The following MEIKIN variants were observed in gnomAD, a reference collection of about 807,000 sequenced individuals.
MEIKIN encodes the protein meiotic kinetochore factor.
chr5:131,906,704 T>C (rs538012432), intron 8 of MEIKIN, among the ~76,000 whole-genome samples: 2 of 152,178 alleles, frequency 1.3e-5, no homozygotes, highest in Admixed American at 1.3e-4. Flanking sequence ...AATAAGAATA[T>C]GTCCTCAGCA....
chr5:131,852,881 A>G (rs1561733081), intron 10 of MEIKIN, among the ~76,000 whole-genome samples: 1 of 148,846 alleles, frequency 6.7e-6, no homozygotes, highest in Non-Finnish European at 1.5e-5. Flanking sequence ...CACGAAAAAA[A>G]TCATTTTGGT....
chr5:131,862,997 C>A (rs1282757588), intron 9 of MEIKIN, among the ~76,000 whole-genome samples: 1 of 152,170 alleles, frequency 6.6e-6, no homozygotes, highest in African/African-American at 2.4e-5. Flanking sequence ...CTGTTCCTGT[C>A]CTTATTTCAA....
chr5:131,914,330 G>C (rs1302476397), intron 7 of MEIKIN, among the ~76,000 whole-genome samples: 1 of 149,358 alleles, frequency 6.7e-6, no homozygotes, highest in Non-Finnish European at 1.5e-5. Context: ...GTTACAGTGA[G>C]CTATGATGGT....
intron 9 of MEIKIN, among the ~76,000 whole-genome samples, chr5:131,857,608 T>G (rs1206883934): frequency 3.3e-5 from 5 of 152,136 alleles, no homozygotes; most frequent in Admixed American, 3.3e-4. Flanking sequence ...TCATAGCTCC[T>G]TCACTAGCAG....
At chr5:131,828,366 T>G (rs1166303756) in intron 11 of MEIKIN, among the ~76,000 whole-genome samples, 1 of 152,116 alleles carries the variant, frequency 6.6e-6, no homozygotes, top group Non-Finnish European at 1.5e-5. Flanking sequence ...TTTCACCATG[T>G]TGCCCAGGCT....
At chr5:131,934,136 T>A (rs564877291) in intron 4 of MEIKIN, among the ~76,000 whole-genome samples, 8 of 151,984 alleles carry the variant, frequency 5.3e-5, no homozygotes, top group African/African-American at 1.9e-4. Context: ...TTTTTATTTT[T>A]TTTTTTAGTA....
At chr5:131,897,496 C>A (rs1751073196) in intron 8 of MEIKIN, among the ~76,000 whole-genome samples, 1 of 152,170 alleles carries the variant, frequency 6.6e-6, no homozygotes, top group Non-Finnish European at 1.5e-5. Flanking sequence ...CACTTGGTTC[C>A]ATTCTCCCCA....
intron 3 of MEIKIN, 22 bp from the exon 4 acceptor site, chr5:131,942,717 G>C: frequency 2.5e-6 from 1 of 397,970 alleles, no homozygotes; most frequent in Non-Finnish European, 4.4e-6. Flanking sequence ...AAGAATTAAA[G>C]CTATAGCAAA....
chr5:131,807,101 TAGAG>T lies in MEIKIN; in HGVS notation c.*131_*134del. 1 of 394,754 alleles carries T rather than the reference TAGAG, an allele frequency of 2.5e-6. No individual in the cohort carries two copies. Among genetic ancestry groups the T allele is most frequent in the Non-Finnish European group, 4.5e-6 (1 of 224,070 alleles). 24.5% of individuals were successfully genotyped at this position (394,754 alleles called of 1,614,324 possible). On this transcript the variant is annotated 3_prime_UTR_variant, in exon 13 of 13. Transcript: ENST00000442687. ...CAAGAACCTCAGTAGAATTTCAACA[TAGAG>T]ATATATCACAAATAACTGGAGAATT...
intron 7 of MEIKIN, among the ~76,000 whole-genome samples, 190 bp downstream of exon 7, chr5:131,916,696 G>A (rs1751419859): frequency 6.6e-6 from 1 of 152,196 alleles, no homozygotes; most frequent in Admixed American, 6.5e-5. Flanking sequence ...GCTGAGGGCA[G>A]AGATTTCGTT....
intron 8 of MEIKIN, among the ~76,000 whole-genome samples, chr5:131,892,487 G>A (rs777762638): frequency 5.9e-5 from 9 of 151,850 alleles, no homozygotes; most frequent in African/African-American, 1.5e-4. Flanking sequence ...ACTGATACCC[G>A]TTCTTCCAGT....
chr5:131,877,900 G>C (rs949170245), intron 9 of MEIKIN, among the ~76,000 whole-genome samples: 1 of 152,206 alleles, frequency 6.6e-6, no homozygotes. Context: ...ACACCATTCT[G>C]AGTAGCATGA....
chr5:131,851,893 T>C (rs1750120875), intron 10 of MEIKIN, among the ~76,000 whole-genome samples: 1 of 152,206 alleles, frequency 6.6e-6, no homozygotes, highest in East Asian at 1.9e-4. Flanking sequence ...CATCCACATA[T>C]TTTGGTATCT....
intron 8 of MEIKIN, among the ~76,000 whole-genome samples, chr5:131,882,424 T>C (rs77125330): frequency 1.3e-5 from 2 of 152,154 alleles, no homozygotes; most frequent in African/African-American, 4.8e-5. Flanking sequence ...TCTGGAGTGA[T>C]GGACAAAGCA....
intron 8 of MEIKIN, among the ~76,000 whole-genome samples, chr5:131,898,373 C>CG (rs1751090913): frequency 1.3e-5 from 2 of 152,226 alleles, no homozygotes; most frequent in African/African-American, 4.8e-5. Flanking sequence ...TTAGGCTACA[C>CG]GGGGGTCAGG....
intron 9 of MEIKIN, among the ~76,000 whole-genome samples, chr5:131,875,727 C>T (rs1750600319): frequency 6.6e-6 from 1 of 152,176 alleles, no homozygotes; most frequent in South Asian, 2.1e-4. Flanking sequence ...AGGGATCATG[C>T]TACCTGATTT....
chr5:131,873,018 C>A (rs4705904), intron 9 of MEIKIN, among the ~76,000 whole-genome samples: 88,951 of 146,448 alleles, frequency 0.61, 27,449 homozygotes, highest in Non-Finnish European at 0.74. Flanking sequence ...TGGAAAGGAA[C>A]AACTGGTACC....
At chr5:131,840,602 T>C (rs1749888348) in intron 11 of MEIKIN, among the ~76,000 whole-genome samples, 1 of 151,802 alleles carries the variant, frequency 6.6e-6, no homozygotes, top group Admixed American at 6.6e-5. Context: ...TCTTATTTCT[T>C]AAGCTCTGAG....
chr5:131,941,148 T>C (rs1751863853), intron 4 of MEIKIN, among the ~76,000 whole-genome samples: 3 of 89,854 alleles, frequency 3.3e-5, no homozygotes, highest in Non-Finnish European at 4.4e-5. Context: ...CTTCCTTTTT[T>C]TTTTTTTTTT....
Sources: allele counts gnomAD v4.1 joint callset (sites outside exome capture counted in the v4.1 genomes callset), GRCh38; gene constraint gnomAD v4.1.1; transcripts MANE v1.5; gene names NCBI Gene and HGNC (gene_info 2026-07-23, HGNC 2026-07-21).